The following CDCA2 variants were observed in gnomAD, a reference collection of about 807,000 sequenced individuals.
CDCA2 encodes cell division cycle-associated protein 2.
In CDCA2, 44 loss-of-function variants were observed where a neutral mutation model predicts 67.0. The observed-to-expected ratio is 0.66, with a 90% CI of 0.52 to 0.84. The LOEUF (loss-of-function observed/expected upper bound fraction) is 0.84. Among genes scored for constraint, CDCA2 ranks in the 40% least tolerant of loss-of-function variants. CDCA2 has a pLI of 0.00. For synonymous variants in CDCA2, 447 were observed against 418.7 expected (o/e 1.07, Z -0.82); for missense variants, 1,253 against 1,203.2 (o/e 1.04, Z -0.61).
At chr8:25,485,628 C>G in intron 10 of CDCA2, 131 bp from the exon 11 acceptor site, 2 of 502,282 alleles carry the variant, frequency 4.0e-6, no homozygotes, top group Non-Finnish European at 7.1e-6. Context: ...ATTTTAGAAT[C>G]TTTTATTGAT....
chr8:25,503,837 T>G (rs1447658297), intron 14 of CDCA2, among the ~76,000 whole-genome samples: 2 of 152,198 alleles, frequency 1.3e-5, no homozygotes, highest in Non-Finnish European at 2.9e-5. Context: ...GCATCCTGTT[T>G]CCTTTTGTTT....
chr8:25,489,663 T>A (rs1181808112), intron 13 of CDCA2, among the ~76,000 whole-genome samples: 1 of 152,234 alleles, frequency 6.6e-6, no homozygotes, highest in Non-Finnish European at 1.5e-5. Flanking sequence ...TACTTTTCAG[T>A]TCTGTTCTTA....
chr8:25,469,846 AG>A, intron 6 of CDCA2, 49 bp from the exon 7 acceptor site: 1 of 1,145,270 alleles, frequency 8.7e-7, no homozygotes, highest in Non-Finnish European at 1.3e-6. Flanking sequence ...AAAAGGCATT[AG>A]TAGTACTCTA....
intron 12 of CDCA2, among the ~76,000 whole-genome samples, chr8:25,487,943 A>G (rs1803848337): frequency 6.6e-6 from 1 of 152,154 alleles, no homozygotes; most frequent in Admixed American, 6.5e-5. Flanking sequence ...ATCAGCATGT[A>G]ATTAACAGAA....
At position 25,462,174 on chromosome 8, in the gene CDCA2, G is replaced by A. The variant is rs765250611; in HGVS notation, c.353G>A (p.Arg118Lys). ...CGGCAGCAAAATATAAAGAATGCTA[G>A]GAAATCTCCTTTGGCACAAGATTCT... Reference protein sequence around the residue: ...IARQQNIKNARKSPLAQDSPS... With the variant: ...IARQQNIKNAKKSPLAQDSPS... The change falls in exon 4 of 15, where the codon AGG becomes AAG. Residue 118 changes from arginine to lysine, a missense_variant. Transcript: ENST00000330560. 1 of 1,614,110 alleles carries A rather than the reference G, an allele frequency of 6.2e-7. No homozygotes were observed.
At chr8:25,490,849 A>G (rs1483337718) in intron 13 of CDCA2, among the ~76,000 whole-genome samples, 1 of 152,184 alleles carries the variant, frequency 6.6e-6, no homozygotes, top group African/African-American at 2.4e-5. Context: ...TCCACGCAGG[A>G]AAGAGACTGA....
chr8:25,466,914 T>G (rs560549796), intron 5 of CDCA2, among the ~76,000 whole-genome samples: 1 of 151,860 alleles, frequency 6.6e-6, no homozygotes, highest in Non-Finnish European at 1.5e-5. Context: ...TGGTGACACA[T>G]GCCTGTAACT....
chr8:25,507,114 G>A lies in CDCA2; in HGVS notation c.2448G>A (p.Met816Ile). ...GTGAGGATTTGGGAAGAAAACCCAT[G>A]GAAAGTAGCAGTGTTGTGAGTTGCA... Reference protein sequence around the residue: ...SQSEDLGRKPMESSSVVSCRD... With the variant: ...SQSEDLGRKPIESSSVVSCRD... Residue 816 changes from methionine to isoleucine, a missense_variant, in exon 15 of 15, where the codon ATG becomes ATA. Physicochemically the swap from Met to Ile is conservative, Grantham distance 10 (BLOSUM62 1). Coordinates refer to ENST00000330560, the MANE Select transcript of CDCA2 (RefSeq NM_152562.4). The A allele has an allele frequency of 6.2e-7, 1 of 1,614,180 alleles. No homozygotes were observed. Among genetic ancestry groups the A allele is most frequent in the Non-Finnish European group, 8.5e-7 (1 of 1,180,044 alleles).
intron 7 of CDCA2, among the ~76,000 whole-genome samples, chr8:25,478,519 C>T (rs1803436869): frequency 1.3e-5 from 2 of 152,166 alleles, no homozygotes; most frequent in African/African-American, 4.8e-5. Context: ...CATCGACTTC[C>T]TGTTATACTT....
At chr8:25,489,393 C>T (rs1803913234) in intron 13 of CDCA2, among the ~76,000 whole-genome samples, 1 of 152,212 alleles carries the variant, frequency 6.6e-6, no homozygotes, top group South Asian at 2.1e-4. Flanking sequence ...ACCTGAAGTT[C>T]ATGTTTCCCT....
intron 13 of CDCA2, among the ~76,000 whole-genome samples, chr8:25,500,034 G>A (rs1235307976): frequency 6.6e-6 from 1 of 152,120 alleles, no homozygotes; most frequent in Non-Finnish European, 1.5e-5. Context: ...GTTCTTTTTT[G>A]GGAGAGGTGG....
chr8:25,488,461 G>C (rs554482364), intron 12 of CDCA2, 91 bp from the exon 13 acceptor site: 3 of 1,206,176 alleles, frequency 2.5e-6, no homozygotes, highest in South Asian at 1.9e-5. Flanking sequence ...AGTGGTAGAA[G>C]CATCCTGGGA....
At chr8:25,499,860 A>G (rs1804401853) in intron 13 of CDCA2, among the ~76,000 whole-genome samples, 2 of 152,296 alleles carry the variant, frequency 1.3e-5, no homozygotes, top group South Asian at 2.1e-4. Flanking sequence ...TTCCAAGCAT[A>G]TACAACTTCT....
intron 7 of CDCA2, among the ~76,000 whole-genome samples, 157 bp downstream of exon 7, chr8:25,470,137 G>A (rs1803093716): frequency 6.6e-6 from 1 of 152,146 alleles, no homozygotes; most frequent in African/African-American, 2.4e-5. Flanking sequence ...TGTTATATGA[G>A]AGATACTCTC....
At position 25,460,308 on chromosome 8, in the gene CDCA2, A is replaced by T. The variant is rs1506863; in HGVS notation, c.61+8A>T. 0.37 allele frequency: 592,429 copies of T among 1,613,594 alleles called. 110,295 individuals are homozygous for T. The highest frequency in any genetic ancestry group is 0.51 in the African/African-American group (38,546 of 74,930). On this transcript the variant is annotated splice_region_variant and intron_variant, in intron 2 of 14. Transcript: ENST00000330560. ...CTGCAATGAATAATGCTGGTATGTG[A>T]TGATCTGCCTCCTTGTGAAGTTGAA...
At chr8:25,472,214 T>TA (rs1803183031) in intron 7 of CDCA2, 1 of 144,204 alleles carries the variant, frequency 6.9e-6, no homozygotes, top group East Asian at 2.0e-4. Flanking sequence ...TTTTTTTTTT[T>TA]ACCTCAAATG....
rs551561952 is a variant in CDCA2 at position 25,486,173 on chromosome 8, A to C, written c.1444+336A>C. Among the ~76,000 whole-genome samples, 6 of 152,350 alleles carry C rather than the reference A, an allele frequency of 3.9e-5. No homozygotes were observed. The South Asian group carries it at 8.3e-4, about 21-fold the overall frequency. On this transcript the variant is annotated intron_variant, in intron 11 of 14. Coordinates refer to ENST00000330560, the MANE Select transcript of CDCA2 (RefSeq NM_152562.4). The stretch of plus-strand genomic sequence containing the variant: ...AATTGACATCTGGATTGTAAGGATC[A>C]TTCTTAAATATCCAGACTTTTTCCT...
intron 7 of CDCA2, among the ~76,000 whole-genome samples, 168 bp downstream of exon 7, chr8:25,470,148 T>C (rs1291424777): frequency 6.6e-6 from 1 of 152,234 alleles, no homozygotes; most frequent in East Asian, 1.9e-4. Flanking sequence ...AGATACTCTC[T>C]TTTTTAAGCT....
intron 11 of CDCA2, among the ~76,000 whole-genome samples, chr8:25,486,931 G>T (rs1190494816): frequency 6.6e-6 from 1 of 152,150 alleles, no homozygotes; most frequent in African/African-American, 2.4e-5. Context: ...TATACAAAAT[G>T]TATCGTGGAA....
Sources: allele counts gnomAD v4.1 joint callset (sites outside exome capture counted in the v4.1 genomes callset), GRCh38; gene constraint gnomAD v4.1.1; transcripts MANE v1.5; gene names NCBI Gene and HGNC (gene_info 2026-07-23, HGNC 2026-07-21).